BLTP1: variants seen among roughly 807,000 people sequenced by gnomAD.
The protein encoded by BLTP1 is fragile site-associated protein.
At chr4:122,217,103 T>C in the BLTP1 span, among the ~76,000 whole-genome samples, 3 of 152,182 alleles carry the variant, frequency 2.0e-5, no homozygotes, top group Admixed American at 2.0e-4. Flanking sequence ...TGAAACCCAC[T>C]TTTCGCACTT....
the BLTP1 span, among the ~76,000 whole-genome samples, chr4:122,323,586 T>C: frequency 1.3e-5 from 2 of 151,980 alleles, no homozygotes; most frequent in African/African-American, 2.4e-5. Flanking sequence ...TGCCCTTCCT[T>C]GATCACTTCT....
chr4:122,198,807 C>T, the BLTP1 span, among the ~76,000 whole-genome samples: 1 of 151,772 alleles, frequency 6.6e-6, no homozygotes, highest in Non-Finnish European at 1.5e-5. Context: ...GAAAAAAAGC[C>T]CAGAGCAGAA....
chr4:122,237,662 A>G, the BLTP1 span: 2 of 753,680 alleles, frequency 2.7e-6, no homozygotes, highest in Non-Finnish European at 3.2e-6. Context: ...ACTTATGTAG[A>G]TATATTTCTA....
the BLTP1 span, chr4:122,211,115 C>G: frequency 6.3e-7 from 1 of 1,583,384 alleles, no homozygotes; most frequent in Non-Finnish European, 8.6e-7. Context: ...TTAAAAACAA[C>G]TTACATACTT....
chr4:122,161,718 C>T, the BLTP1 span, among the ~76,000 whole-genome samples: 1 of 152,194 alleles, frequency 6.6e-6, no homozygotes, highest in African/African-American at 2.4e-5. Flanking sequence ...AGCCACAACA[C>T]TCAACCAGAG....
the BLTP1 span, chr4:122,276,347 T>G: frequency 1.5e-6 from 1 of 673,166 alleles, no homozygotes; most frequent in Non-Finnish European, 1.8e-6. Flanking sequence ...AATGGAAGCT[T>G]AAAAAATTCA....
At chr4:122,210,661 G>A in the BLTP1 span, among the ~76,000 whole-genome samples, 1 of 151,868 alleles carries the variant, frequency 6.6e-6, no homozygotes, top group Non-Finnish European at 1.5e-5. Flanking sequence ...TTCTCTGCAG[G>A]CTGATTTATG....
the BLTP1 span, among the ~76,000 whole-genome samples, chr4:122,164,197 A>AT: frequency 6.6e-6 from 1 of 152,238 alleles, no homozygotes; most frequent in Admixed American, 6.5e-5. Flanking sequence ...CTAGGTTAGA[A>AT]TTTTGGGATT....
At chr4:122,187,393 G>C in the BLTP1 span, 1 of 1,606,682 alleles carries the variant, frequency 6.2e-7, no homozygotes, top group South Asian at 1.1e-5. Flanking sequence ...GGTATTTAAG[G>C]TTTTCTTATT....
At chr4:122,209,845 C>A in the BLTP1 span, 1 of 1,613,490 alleles carries the variant, frequency 6.2e-7, no homozygotes, top group South Asian at 1.1e-5. Context: ...GCTGGACTGT[C>A]CCAAGTGTCA....
the BLTP1 span, chr4:122,236,735 TA>T: frequency 1.1e-6 from 1 of 934,402 alleles, no homozygotes; most frequent in African/African-American, 1.8e-5. Context: ...AGGAAAATAG[TA>T]AATTCTCTTT....
At chr4:122,304,657 C>A in the BLTP1 span, 1 of 1,403,232 alleles carries the variant, frequency 7.1e-7, no homozygotes, top group Non-Finnish European at 9.3e-7. Flanking sequence ...TGGAACCAAA[C>A]CCATATTATC....
the BLTP1 span, among the ~76,000 whole-genome samples, chr4:122,288,204 G>A: frequency 0.05 from 7,597 of 151,992 alleles, 270 homozygotes; most frequent in Non-Finnish European, 0.075. Context: ...CTAATCATAG[G>A]ACACAAATTA....
At chr4:122,311,530 G>T in the BLTP1 span, among the ~76,000 whole-genome samples, 4 of 151,986 alleles carry the variant, frequency 2.6e-5, no homozygotes, top group Non-Finnish European at 5.9e-5. Context: ...ATAGGGCAGA[G>T]AAATAAGGAA....
At chr4:122,344,334 A>G in the BLTP1 span, 11 of 1,589,440 alleles carry the variant, frequency 6.9e-6, no homozygotes, top group South Asian at 1.1e-5. Context: ...CTGTGTGTAT[A>G]TATGTATATA....
the BLTP1 span, chr4:122,344,887 A>T: frequency 1.0e-6 from 1 of 985,188 alleles, no homozygotes; most frequent in South Asian, 4.7e-5. Context: ...TGCTTAAAAC[A>T]CTAAAACGGG....
At chr4:122,275,946 A>G in the BLTP1 span, 1 of 1,516,434 alleles carries the variant, frequency 6.6e-7, no homozygotes, top group Non-Finnish European at 8.8e-7. Flanking sequence ...TTGTTTTCCC[A>G]CTTTCTCTTG....
chr4:122,343,397 G>T, the BLTP1 span: 1 of 1,611,594 alleles, frequency 6.2e-7, no homozygotes, highest in East Asian at 2.2e-5. Context: ...TCAATTTCCT[G>T]TGCTCACTGT....
chr4:122,167,583 T>G, the BLTP1 span: 1 of 826,646 alleles, frequency 1.2e-6, no homozygotes. Flanking sequence ...TGGCCATGGA[T>G]GTTCTTCTCC....
Sources: gnomAD v4.1 joint callset for allele counts (sites outside exome capture counted in the v4.1 genomes callset) on GRCh38, gnomAD v4.1.1 for gene constraint, MANE v1.5 for transcripts, NCBI Gene and HGNC (gene_info 2026-07-23, HGNC 2026-07-21) for gene names.